The following FAM185A variants were observed in gnomAD, a reference collection of about 807,000 sequenced individuals.
FAM185A encodes the protein protein FAM185A.
A neutral mutation model predicts 45.7 loss-of-function variants in FAM185A; 21 were observed. That is an observed-to-expected ratio of 0.46 (90% CI 0.33 to 0.66). The LOEUF is 0.66. FAM185A is among the 30% of genes least tolerant of loss of function. The pLI is 0.03. For synonymous variants in FAM185A, 117 were observed against 194.0 expected (o/e 0.60, Z 3.30); for missense variants, 305 against 485.4 (o/e 0.63, Z 3.49).
chr7:102,787,405 G>A lies in FAM185A; in HGVS notation c.1002G>A (p.Val334=), dbSNP rs979308371. 11 of 1,536,662 alleles carry A rather than the reference G, an allele frequency of 7.2e-6. No individual in the cohort carries two copies. In the African/African-American group the frequency reaches 1.2e-4, roughly 17 times the overall value. The part of the protein sequence containing the change: ...HLQLSGKEVD[V]NSEVHVQEMA... ...AGTTATCAGGGAAAGAGGTTGATGT[G>A]AACTCAGAAGTCCATGTTCAGGAAA... Residue 334 remains valine (V), a synonymous_variant, in exon 7 of 8, where the codon GTG becomes GTA. Coordinates refer to ENST00000413034, the MANE Select transcript of FAM185A (RefSeq NM_001145268.2).
At chr7:102,848,855 C>A in the FAM185A span, among the ~76,000 whole-genome samples, 4 of 151,976 alleles carry the variant, frequency 2.6e-5, no homozygotes, top group Non-Finnish European at 5.9e-5. Flanking sequence ...AAAAAATTAG[C>A]CAGGCATGAT....
intron 5 of FAM185A, among the ~76,000 whole-genome samples, chr7:102,776,164 T>C (rs1795051435): frequency 7.0e-6 from 1 of 142,068 alleles, no homozygotes; most frequent in African/African-American, 2.8e-5. Flanking sequence ...TTGGCATAGT[T>C]TTCACCACAC....
In FAM185A at chr7:102,781,416, G is replaced by A. The variant is rs566847901; in HGVS notation, c.931+4068G>A. 1.4e-4 allele frequency among the ~76,000 whole-genome samples: 21 copies of A among 152,302 alleles called. No individual in the cohort carries two copies. In the South Asian group the frequency reaches 3.7e-3, roughly 27 times the overall value. ...CTAACTGGGAGGTATCCCCCAGTAC[G>A]GGCAGACTGACACCTCACACGGCCA... On this transcript the variant is annotated intron_variant, in intron 6 of 7. Transcript: ENST00000413034.
intron 7 of FAM185A, among the ~76,000 whole-genome samples, chr7:102,796,972 A>G (rs1197908857): frequency 6.6e-6 from 1 of 152,188 alleles, no homozygotes; most frequent in African/African-American, 2.4e-5. Context: ...TTTTTTGGGA[A>G]GAACTGATTA....
At chr7:102,768,053 T>C (rs1405221948) in intron 4 of FAM185A, among the ~76,000 whole-genome samples, 1 of 140,688 alleles carries the variant, frequency 7.1e-6, no homozygotes, top group Non-Finnish European at 1.6e-5. Context: ...CTTGCCTTGA[T>C]ACTAGCAATA....
intron 2 of FAM185A, chr7:102,755,575 T>C: frequency 1.6e-6 from 1 of 630,070 alleles, no homozygotes; most frequent in Non-Finnish European, 2.9e-6. Context: ...ATCACCACCT[T>C]TGTGGATAAC....
chr7:102,809,755 T>G (rs755813665), downstream of FAM185A, among the ~76,000 whole-genome samples: 23 of 152,144 alleles, frequency 1.5e-4, no homozygotes, highest in Non-Finnish European at 1.6e-4. Context: ...AACTATACTA[T>G]AAGACCAGAC....
chr7:102,819,176 T>C, the FAM185A span, among the ~76,000 whole-genome samples: 1 of 152,224 alleles, frequency 6.6e-6, no homozygotes, highest in Non-Finnish European at 1.5e-5. Flanking sequence ...TTCCTCTCTC[T>C]CACTCCTACC....
At chr7:102,825,268 A>G in the FAM185A span, among the ~76,000 whole-genome samples, 34,042 of 152,070 alleles carry the variant, frequency 0.22, 4,572 homozygotes, top group East Asian at 0.59. Flanking sequence ...CTTAAGAGGT[A>G]ATCGGGTCAT....
At chr7:102,826,745 A>ATG in the FAM185A span, among the ~76,000 whole-genome samples, 1 of 68,860 alleles carries the variant, frequency 1.5e-5, no homozygotes. Flanking sequence ...ATATATATAT[A>ATG]TATATATATA....
rs552035150 is a variant in FAM185A, at chr7:102,808,414, G to A, written c.*12G>A. On this transcript the variant is annotated 3_prime_UTR_variant, in exon 8 of 8. Coordinates refer to ENST00000413034, the MANE Select transcript of FAM185A (RefSeq NM_001145268.2). ...AACTGCAGGACTAAAACTGATTTGA[G>A]TTGGATTTATGATTTTTAACAATGA... The A allele has an allele frequency of 3.4e-5, 49 of 1,429,992 alleles. No homozygotes were observed. In the African/African-American group the frequency reaches 5.1e-4, roughly 15 times the overall value. The allele number at this position is 1,429,992 out of a possible 1,614,324, so 88.6% of individuals were successfully genotyped here. A position where few individuals can be genotyped will look rare whatever the true frequency, so the allele number is the denominator to read the frequency against.
chr7:102,771,344 C>T (rs1483697503), intron 4 of FAM185A, among the ~76,000 whole-genome samples: 1 of 151,980 alleles, frequency 6.6e-6, no homozygotes, highest in African/African-American at 2.4e-5. Context: ...ACATGTATCC[C>T]CTGAATCTAA....
At chr7:102,768,627 G>A (rs1468583200) in intron 4 of FAM185A, among the ~76,000 whole-genome samples, 3 of 149,492 alleles carry the variant, frequency 2.0e-5, no homozygotes, top group African/African-American at 7.4e-5. Context: ...AGAGTTCTAT[G>A]TGCTTGAACC....
chr7:102,793,912 G>A (rs1796287660), intron 7 of FAM185A, among the ~76,000 whole-genome samples: 1 of 151,622 alleles, frequency 6.6e-6, no homozygotes, highest in Non-Finnish European at 1.5e-5. Context: ...GGTGGCGGGT[G>A]CCTGAAATCC....
intron 7 of FAM185A, among the ~76,000 whole-genome samples, chr7:102,798,810 C>G (rs1466162417): frequency 6.6e-6 from 1 of 151,970 alleles, no homozygotes; most frequent in Non-Finnish European, 1.5e-5. Flanking sequence ...TGCAATGGCA[C>G]AATCTCGGCT....
intron 6 of FAM185A, among the ~76,000 whole-genome samples, chr7:102,781,791 G>A (rs1795423974): frequency 6.6e-6 from 1 of 152,180 alleles, no homozygotes; most frequent in South Asian, 2.1e-4. Context: ...ACCAGTAACG[G>A]AACAAAGCTG....
chr7:102,834,096 A>AG, the FAM185A span, among the ~76,000 whole-genome samples: 3 of 97,068 alleles, frequency 3.1e-5, no homozygotes, highest in East Asian at 3.1e-4. Flanking sequence ...AAAAGAAAGA[A>AG]AGAAAGAAAG....
chr7:102,807,514 G>A (rs1324412967), intron 7 of FAM185A, among the ~76,000 whole-genome samples: 1 of 151,810 alleles, frequency 6.6e-6, no homozygotes, highest in Non-Finnish European at 1.5e-5. Flanking sequence ...TCAGATTAGG[G>A]ATGCTCAACT....
At chr7:102,834,082 AAAGAAAAGAAAG>A in the FAM185A span, among the ~76,000 whole-genome samples, 4 of 80,160 alleles carry the variant, frequency 5.0e-5, no homozygotes, top group East Asian at 4.6e-4. Context: ...GGAAGGAAGG[AAAGAAAAGAAAG>A]AAAGAAAGAA....
Sources: gnomAD v4.1 joint callset for allele counts (sites outside exome capture counted in the v4.1 genomes callset) on GRCh38, gnomAD v4.1.1 for gene constraint, MANE v1.5 for transcripts, NCBI Gene and HGNC (gene_info 2026-07-23, HGNC 2026-07-21) for gene names.